The following OR2T12 variants were observed in gnomAD, a reference collection of about 807,000 sequenced individuals.
The protein encoded by OR2T12 is olfactory receptor family 2 subfamily T member 12.
For synonymous variants in OR2T12, 127 were observed against 160.5 expected, an observed-to-expected ratio of 0.79 and a Z score of 1.58; for missense variants, 335 against 404.3, an observed-to-expected ratio of 0.83 and a Z score of 1.47.
Position 248,301,363 on chromosome 1 carries a change from T to C in OR2T12, c.-9+10A>G, listed in dbSNP as rs2103040027. The C allele has an allele frequency of 6.6e-6, 1 of 152,190 alleles. No individual in the cohort carries two copies. The highest frequency in any genetic ancestry group is 1.9e-4 in the East Asian group (1 of 5,186). The allele number at this position is 152,190 out of a possible 1,614,324, so 9.4% of individuals were successfully genotyped here. On this transcript the variant is annotated intron_variant, in intron 2 of 2. Transcript: ENST00000641276. ...AAGTAAGTAAGATACATATGAGAAA[T>C]TGTGCTTACCTTTAGGCACCAGGAA...
chr1:248,303,020 C>T (rs527322733), intron 1 of OR2T12, among the ~76,000 whole-genome samples: 1 of 152,220 alleles, frequency 6.6e-6, no homozygotes, highest in East Asian at 1.9e-4. Flanking sequence ...ACTTTCAAAT[C>T]ATGTCCTGTT....
intron 2 of OR2T12, among the ~76,000 whole-genome samples, chr1:248,296,715 C>T (rs1270863306): frequency 3.3e-5 from 5 of 151,940 alleles, no homozygotes; most frequent in African/African-American, 2.4e-5. Flanking sequence ...TGTTTTTTCT[C>T]GTAAATTTGT....
rs965596077 is a variant in OR2T12, at chr1:248,293,497, T to C, written c.*1119A>G. The C allele has an allele frequency of 6.6e-6, 1 of 152,218 alleles. No individual in the cohort carries two copies. The highest frequency in any genetic ancestry group is 1.5e-5 in the Non-Finnish European group (1 of 68,036). The allele number at this position is 152,218 out of a possible 1,614,324, so 9.4% of individuals were successfully genotyped here. ...TTGGCTTTGATAACCACTGCTTTCC[T>C]CCATCACTATCTATCTTGTGTCTTT... On this transcript the variant is annotated 3_prime_UTR_variant, in exon 3 of 3. Transcript: ENST00000641276.
Position 248,294,565 on chromosome 1 carries a change from T to C in OR2T12, c.*51A>G, listed in dbSNP as rs768539055. The C allele has an allele frequency of 3.2e-6, 5 of 1,555,768 alleles. No individual in the cohort carries two copies. Among genetic ancestry groups the C allele is most frequent in the Non-Finnish European group, 2.6e-6 (3 of 1,152,796 alleles). Reference sequence around the variant, plus strand: ...GAATTACTAAAGGGAGAGAATTACATAGTGTTAAAATGTTAATAAATTCAG... The same window carrying C: ...GAATTACTAAAGGGAGAGAATTACACAGTGTTAAAATGTTAATAAATTCAG... On this transcript the variant is annotated 3_prime_UTR_variant, in exon 3 of 3. Transcript: ENST00000641276.
At chr1:248,301,027 C>A (rs116755976) in intron 2 of OR2T12, among the ~76,000 whole-genome samples, 6 of 151,970 alleles carry the variant, frequency 3.9e-5, no homozygotes, top group South Asian at 2.1e-4. Context: ...GAATTGTCTC[C>A]ATCACATTAG....
chr1:248,292,140 C>A lies in OR2T12; in HGVS notation c.*2476G>T, dbSNP rs2103036517. 1 of 151,998 alleles carries A rather than the reference C, an allele frequency of 6.6e-6. No individual in the cohort carries two copies. Among genetic ancestry groups the A allele is most frequent in the African/African-American group, 2.4e-5 (1 of 41,500 alleles). 9.4% of individuals were successfully genotyped at this position (151,998 alleles called of 1,614,324 possible). A position where few individuals can be genotyped will look rare whatever the true frequency, so the allele number is the denominator to read the frequency against. On this transcript the variant is annotated 3_prime_UTR_variant, in exon 3 of 3. Coordinates refer to ENST00000641276, the MANE Select transcript of OR2T12 (RefSeq NM_001004692.2). ...GATGAATAAATTCTAGTCGGAGCCA[C>A]AACATTATGTTTCTTAATGACTTAA...
intron 2 of OR2T12, among the ~76,000 whole-genome samples, chr1:248,297,031 T>G (rs1307620438): frequency 6.6e-6 from 1 of 152,176 alleles, no homozygotes; most frequent in Non-Finnish European, 1.5e-5. Flanking sequence ...GATTTTTGTA[T>G]AAGGTGTAAG....
chr1:248,296,310 A>G (rs1572831243), intron 2 of OR2T12, among the ~76,000 whole-genome samples: 1 of 152,216 alleles, frequency 6.6e-6, no homozygotes. Context: ...TGCCGCAATA[A>G]ACATATGTGT....
chr1:248,297,266 A>G (rs1659743048), intron 2 of OR2T12, among the ~76,000 whole-genome samples: 2 of 151,978 alleles, frequency 1.3e-5, no homozygotes, highest in African/African-American at 2.4e-5. Context: ...GCCTTGTAGT[A>G]TAGTTTGAAG....
intron 2 of OR2T12, among the ~76,000 whole-genome samples, chr1:248,298,646 T>A (rs542739160): frequency 2.6e-4 from 40 of 151,604 alleles, no homozygotes; most frequent in Non-Finnish European, 3.8e-4. Context: ...CGTAGAGGTG[T>A]TTGTAGTATT....
rs373483028 is a variant in OR2T12 at position 248,294,945 on chromosome 1, T to C, written c.634A>G (p.Ile212Val). Residue 212 changes from isoleucine to valine, a missense_variant, in exon 3 of 3, where the codon ATC becomes GTC. Physicochemically the swap from Ile to Val is conservative, Grantham distance 29. Coordinates refer to ENST00000641276, the MANE Select transcript of OR2T12 (RefSeq NM_001004692.2). ...VLMLLVPFSL[I>V]LSSYGLILAA... ...AGGATGAGACCATAGGAGGACAGGATGAGGGAAAAGGGGACCAGGAGCATT... is the reference window on the plus strand; with the variant it reads ...AGGATGAGACCATAGGAGGACAGGACGAGGGAAAAGGGGACCAGGAGCATT... 1.9e-6 allele frequency: 3 copies of C among 1,611,466 alleles called. No individual in the cohort carries two copies. Among genetic ancestry groups the C allele is most frequent in the African/African-American group, 1.3e-5 (1 of 74,668 alleles).
intron 2 of OR2T12, among the ~76,000 whole-genome samples, 183 bp from the exon 3 acceptor site, chr1:248,295,769 C>G (rs143794515): frequency 4.0e-4 from 61 of 152,188 alleles, no homozygotes; most frequent in African/African-American, 1.5e-3. Flanking sequence ...TATAGCTCAA[C>G]TTTTTAATGT....
At position 248,295,673 on chromosome 1, in the gene OR2T12, A is replaced by T. The variant is rs74153116; in HGVS notation, c.-8-87T>A. 4,051 of 1,479,262 alleles carry T rather than the reference A, an allele frequency of 2.7e-3. 104 individuals are homozygous for T. The African/African-American group carries it at 0.052, about 19-fold the overall frequency. 91.6% of individuals were successfully genotyped at this position (1,479,262 alleles called of 1,614,324 possible). A position where few individuals can be genotyped will look rare whatever the true frequency, so the allele number is the denominator to read the frequency against. On this transcript the variant is annotated intron_variant, in intron 2 of 2. Coordinates refer to ENST00000641276, the MANE Select transcript of OR2T12 (RefSeq NM_001004692.2). ...GTTTGACTGCACAGTTTCTGGACATATGTACTGGATATGTTATCCCAGGTC... is the reference window on the plus strand; with the variant it reads ...GTTTGACTGCACAGTTTCTGGACATTTGTACTGGATATGTTATCCCAGGTC...
rs1332781567 is a variant in OR2T12 at position 248,290,232 on chromosome 1, G to C, written c.*4384C>G. On this transcript the variant is annotated 3_prime_UTR_variant, in exon 3 of 3. Coordinates refer to ENST00000641276, the MANE Select transcript of OR2T12 (RefSeq NM_001004692.2). ...CAGAATTAATGCCATACAACCATCT[G>C]TTCTTTGACAACCCTGACAAAAACA... 1 of 152,046 alleles carries C rather than the reference G, an allele frequency of 6.6e-6. No homozygotes were observed. Among genetic ancestry groups the C allele is most frequent in the Non-Finnish European group, 1.5e-5 (1 of 68,024 alleles). The allele number at this position is 152,046 out of a possible 1,614,324, so 9.4% of individuals were successfully genotyped here.
Position 248,294,530 on chromosome 1 carries a change from T to G in OR2T12, c.*86A>C. ...ATTATATCAATACACAAACTTAATT[T>G]TCTCTTCATGAATTACTAAAGGGAG... On this transcript the variant is annotated 3_prime_UTR_variant, in exon 3 of 3. Coordinates refer to ENST00000641276, the MANE Select transcript of OR2T12 (RefSeq NM_001004692.2). 6.7e-7 allele frequency: 1 copy of G among 1,485,350 alleles called. No individual in the cohort carries two copies. Among genetic ancestry groups the G allele is most frequent in the Non-Finnish European group, 9.0e-7 (1 of 1,105,222 alleles). The allele number at this position is 1,485,350 out of a possible 1,614,324, so 92.0% of individuals were successfully genotyped here. A position where few individuals can be genotyped will look rare whatever the true frequency, so the allele number is the denominator to read the frequency against.
rs747214380 is a variant in OR2T12 at position 248,295,038 on chromosome 1, C to T, written c.541G>A (p.Val181Met). The T allele has an allele frequency of 5.6e-6, 9 of 1,609,040 alleles. No individual in the cohort carries two copies. The highest frequency in any genetic ancestry group is 1.1e-5 in the South Asian group (1 of 90,856). Residue 181 changes from valine to methionine, a missense_variant, in exon 3 of 3, where the codon GTG becomes ATG. By Grantham distance (21) the Val-to-Met change is conservative (BLOSUM62 1). Coordinates refer to ENST00000641276, the MANE Select transcript of OR2T12 (RefSeq NM_001004692.2). ...EIDHFFCEAPVLVRLACADTS... is the reference protein window; with the variant it reads ...EIDHFFCEAPMLVRLACADTS... Reference sequence around the variant, plus strand: ...TCAGCACAAGCCAAACGCACCAACACGGGGGCCTCGCAGAAGAAGTGATCG... The same window carrying T: ...TCAGCACAAGCCAAACGCACCAACATGGGGGCCTCGCAGAAGAAGTGATCG...
Position 248,294,727 on chromosome 1 carries a change from A to G in OR2T12, c.852T>C (p.Asn284=), listed in dbSNP as rs138115160. The G allele has an allele frequency of 4.1e-4, 656 of 1,613,848 alleles. 4 individuals carry two copies. The African/African-American group carries it at 7.1e-3, about 17-fold the overall frequency. The change falls in exon 3 of 3, where the codon AAT becomes AAC. Residue 284 remains asparagine, a synonymous_variant. Transcript: ENST00000641276. The part of the protein sequence containing the change: ...AFYTMFTPLL[N]PLIYSVRNSE... ...TGTTCCTCACACTGTAGATGAGGGG[A>G]TTTAGTAAAGGGGTGAACATAGTAT...
In OR2T12 at chr1:248,293,151, C is replaced by T. The variant is rs1659656682; in HGVS notation, c.*1465G>A. 6.6e-6 allele frequency: 1 copy of T among 152,114 alleles called. No individual in the cohort carries two copies. Among genetic ancestry groups the T allele is most frequent in the African/African-American group, 2.4e-5 (1 of 41,454 alleles). 9.4% of individuals were successfully genotyped at this position (152,114 alleles called of 1,614,324 possible). A position where few individuals can be genotyped will look rare whatever the true frequency, so the allele number is the denominator to read the frequency against. ...TTTACTGAATAGCCTTCTCTTAAGA[C>T]ATGGGCTCAGGATCTGCATGCAGTG... On this transcript the variant is annotated 3_prime_UTR_variant, in exon 3 of 3. Transcript: ENST00000641276.
intron 2 of OR2T12, among the ~76,000 whole-genome samples, chr1:248,297,099 A>T (rs1024607206): frequency 5.3e-5 from 8 of 152,142 alleles, no homozygotes; most frequent in Non-Finnish European, 1.2e-4. Flanking sequence ...AGCACCATTT[A>T]TTAAATAGGG....
Sources: allele counts gnomAD v4.1 joint callset (sites outside exome capture counted in the v4.1 genomes callset), GRCh38; gene constraint gnomAD v4.1.1; transcripts MANE v1.5; gene names NCBI Gene and HGNC (gene_info 2026-07-23, HGNC 2026-07-21).